Variants in OR2L13 observed in about 807,000 individuals in gnomAD.
OR2L13 encodes olfactory receptor family 2 subfamily L member 13.
In OR2L13, 14 loss-of-function variants were observed where a neutral mutation model predicts 15.3. The ratio of observed to expected loss-of-function variants is 0.91; its 90% CI spans 0.60 to 1.43. The LOEUF (loss-of-function observed/expected upper bound fraction) is 1.43, where lower values mean the gene tolerates loss of function less well. Ranked by LOEUF, OR2L13 falls within the 40% of genes most tolerant of loss-of-function variation. The probability of loss-of-function intolerance (pLI) is 0.00; values close to 1 mark genes in which losing one functional copy is unlikely to be tolerated. For synonymous variants in OR2L13, 152 were observed against 142.9 expected, an observed-to-expected ratio of 1.06 and a Z score of -0.45; for missense variants, 367 against 387.9, an observed-to-expected ratio of 0.95 and a Z score of 0.45.
chr1:247,991,055 C>G, the OR2L13 span: 16 of 1,566,246 alleles, frequency 1.0e-5, no homozygotes, highest in East Asian at 1.8e-4. Context: ...CGCCCAAGAT[C>G]CCTGCGATCT....
chr1:248,051,772 T>C, the OR2L13 span, among the ~76,000 whole-genome samples: 3 of 152,004 alleles, frequency 2.0e-5, no homozygotes, highest in Non-Finnish European at 4.4e-5. Flanking sequence ...GCTTTTATTT[T>C]ATTTATTTAT....
the OR2L13 span, among the ~76,000 whole-genome samples, chr1:248,026,249 G>T: frequency 5.3e-5 from 8 of 152,202 alleles, no homozygotes; most frequent in African/African-American, 1.9e-4. Context: ...CTGATCTGCA[G>T]TTGACCCTTG....
chr1:247,940,638 T>A, the OR2L13 span, among the ~76,000 whole-genome samples: 2 of 152,298 alleles, frequency 1.3e-5, no homozygotes, highest in Non-Finnish European at 2.9e-5. Flanking sequence ...AGGTTGAATG[T>A]ATGTCTTTGC....
the OR2L13 span, among the ~76,000 whole-genome samples, chr1:248,037,088 G>C: frequency 6.6e-6 from 1 of 152,096 alleles, no homozygotes; most frequent in African/African-American, 2.4e-5. Context: ...GGATGAGAAG[G>C]CAAAAGAGAA....
At chr1:248,021,951 G>A in the OR2L13 span, 1 of 1,611,660 alleles carries the variant, frequency 6.2e-7, no homozygotes, top group Non-Finnish European at 8.5e-7. Flanking sequence ...ATGCCCCATG[G>A]AAAATTACAA....
At chr1:248,082,888 T>C in the OR2L13 span, among the ~76,000 whole-genome samples, 4 of 152,354 alleles carry the variant, frequency 2.6e-5, no homozygotes, top group East Asian at 7.7e-4. Flanking sequence ...TGGATCTATG[T>C]CCATAAGTCA....
At chr1:248,068,405 T>C in the OR2L13 span, among the ~76,000 whole-genome samples, 9 of 151,040 alleles carry the variant, frequency 6.0e-5, 1 homozygote, top group Admixed American at 5.9e-4. Context: ...AGTGGACCTC[T>C]AGCAAACTGC....
At chr1:248,043,541 C>A in the OR2L13 span, among the ~76,000 whole-genome samples, 1 of 152,000 alleles carries the variant, frequency 6.6e-6, no homozygotes, top group South Asian at 2.1e-4. Context: ...TTCGGTGGCC[C>A]TATTTGGACA....
the OR2L13 span, among the ~76,000 whole-genome samples, chr1:247,989,151 G>A: frequency 9.5e-3 from 1,449 of 152,208 alleles, 26 homozygotes; most frequent in African/African-American, 0.033. Flanking sequence ...CATTAAAAAT[G>A]AACTGTATGA....
the OR2L13 span, among the ~76,000 whole-genome samples, chr1:248,073,021 G>C: frequency 1.3e-4 from 19 of 151,846 alleles, no homozygotes; most frequent in African/African-American, 4.4e-4. Flanking sequence ...CTTTTACACT[G>C]TTGGTGGGAC....
At chr1:248,046,806 G>C in the OR2L13 span, 1 of 152,256 alleles carries the variant, frequency 6.6e-6, no homozygotes, top group African/African-American at 2.4e-5. Flanking sequence ...CCATGTATTT[G>C]TTTCTATGAT....
the OR2L13 span, among the ~76,000 whole-genome samples, chr1:248,066,471 T>G: frequency 1.3e-5 from 2 of 152,178 alleles, no homozygotes; most frequent in African/African-American, 4.8e-5. Flanking sequence ...AGGCAATTAT[T>G]TTACAGATGA....
the OR2L13 span, among the ~76,000 whole-genome samples, chr1:247,947,665 C>T: frequency 6.6e-6 from 1 of 152,106 alleles, no homozygotes; most frequent in Non-Finnish European, 1.5e-5. Context: ...GGTAAGGGGT[C>T]TGCTTTAAAT....
At chr1:247,974,721 G>A in the OR2L13 span, 1 of 233,048 alleles carries the variant, frequency 4.3e-6, no homozygotes, top group Non-Finnish European at 9.8e-6. Context: ...CGCCCTGCAG[G>A]AAGGATTGTA....
At chr1:247,955,097 C>A in the OR2L13 span, among the ~76,000 whole-genome samples, 10 of 151,962 alleles carry the variant, frequency 6.6e-5, no homozygotes, top group Admixed American at 2.0e-4. Context: ...ATCCCTCCCC[C>A]CTTCCCCCAC....
At chr1:248,078,508 T>C in the OR2L13 span, among the ~76,000 whole-genome samples, 1 of 151,722 alleles carries the variant, frequency 6.6e-6, no homozygotes, top group Non-Finnish European at 1.5e-5. Context: ...ACAAACTAAG[T>C]ACAGCTGTTT....
the OR2L13 span, among the ~76,000 whole-genome samples, chr1:247,979,991 A>G: frequency 6.6e-6 from 1 of 152,334 alleles, no homozygotes; most frequent in African/African-American, 2.4e-5. Flanking sequence ...ATAAATTCAT[A>G]CAATAACAGT....
chr1:248,065,134 A>T, the OR2L13 span, among the ~76,000 whole-genome samples: 14 of 152,342 alleles, frequency 9.2e-5, no homozygotes, highest in African/African-American at 2.9e-4. Context: ...TGAATTCATT[A>T]CCTCACAGAG....
the OR2L13 span, among the ~76,000 whole-genome samples, chr1:247,987,592 C>G: frequency 6.6e-6 from 1 of 152,114 alleles, no homozygotes; most frequent in Non-Finnish European, 1.5e-5. Flanking sequence ...CTAAAATATT[C>G]GACCCATAAC....
Sources: gnomAD v4.1 joint callset for allele counts (sites outside exome capture counted in the v4.1 genomes callset) on GRCh38, gnomAD v4.1.1 for gene constraint, MANE v1.5 for transcripts, NCBI Gene and HGNC (gene_info 2026-07-23, HGNC 2026-07-21) for gene names.